Variants in MPC2 observed in about 807,000 individuals in gnomAD.
The protein encoded by MPC2 is brain protein 44.
MPC2 carries 19 observed loss-of-function variants against 19.2 expected under a neutral mutation model. That is an observed-to-expected ratio of 0.99 (90% CI 0.69 to 1.45). MPC2 has a LOEUF of 1.45. MPC2 is among the 40% of genes most tolerant of loss of function. The pLI is 0.00. For missense variants in MPC2, 122 were observed against 153.0 expected, an observed-to-expected ratio of 0.80 and a Z score of 1.07; for synonymous variants, 61 against 54.3, an observed-to-expected ratio of 1.12 and a Z score of -0.54.
At chr1:167,928,816 T>C (rs1670825369) in intron 2 of MPC2, among the ~76,000 whole-genome samples, 1 of 152,212 alleles carries the variant, frequency 6.6e-6, no homozygotes, top group Non-Finnish European at 1.5e-5. Flanking sequence ...TAACATCCAT[T>C]ATGATAAATG....
chr1:167,937,060 G>A lies in MPC2; in HGVS notation c.-179C>T. 6.8e-7 allele frequency: 1 copy of A among 1,472,714 alleles called. No homozygotes were observed. Among genetic ancestry groups the A allele is most frequent in the Non-Finnish European group, 9.4e-7 (1 of 1,068,298 alleles). The allele number at this position is 1,472,714 out of a possible 1,614,324, so 91.2% of individuals were successfully genotyped here. A position where few individuals can be genotyped will look rare whatever the true frequency, so the allele number is the denominator to read the frequency against. Reference sequence around the variant, plus strand: ...GCTGAGGTCGCCGCCTAGAGTGGGGGAGGGGGCACGCTGCCGGGTCTGTTG... The same window carrying A: ...GCTGAGGTCGCCGCCTAGAGTGGGGAAGGGGGCACGCTGCCGGGTCTGTTG... On this transcript the variant is annotated 5_prime_UTR_variant, in exon 1 of 6. Transcript: ENST00000271373.
Position 167,923,503 on chromosome 1 carries a change from T to C in MPC2, c.150+994A>G, listed in dbSNP as rs748529823. The stretch of plus-strand genomic sequence containing the variant: ...GAGGTACTTAGAGTAGTGAAATTCA[T>C]AGAGACAGAAGGTAGAATGGTGGTT... On this transcript the variant is annotated intron_variant, in intron 3 of 5. Transcript: ENST00000271373. Among the ~76,000 whole-genome samples the C allele has an allele frequency of 5.9e-5, 9 of 152,184 alleles. 1 individual carries two copies. The South Asian group carries it at 1.5e-3, about 25-fold the overall frequency.
At chr1:167,927,924 G>C (rs538200207) in intron 2 of MPC2, among the ~76,000 whole-genome samples, 1 of 152,112 alleles carries the variant, frequency 6.6e-6, no homozygotes, top group African/African-American at 2.4e-5. Flanking sequence ...GTACTAAACA[G>C]AAAAATAGCA....
chr1:167,923,477 T>C (rs1670652719), intron 3 of MPC2, among the ~76,000 whole-genome samples: 1 of 152,086 alleles, frequency 6.6e-6, no homozygotes, highest in Non-Finnish European at 1.5e-5. Context: ...TCCATTTACA[T>C]GAGGTACTTA....
chr1:167,919,067 C>T (rs1295491099), intron 5 of MPC2, among the ~76,000 whole-genome samples: 2 of 152,098 alleles, frequency 1.3e-5, no homozygotes, highest in East Asian at 1.9e-4. Flanking sequence ...TCGCAAAGCA[C>T]CTTTCCTAAG....
chr1:167,933,175 T>TG lies in MPC2; in HGVS notation c.109+2557_109+2558insC, dbSNP rs1374140869. On this transcript the variant is annotated intron_variant, in intron 2 of 5. Coordinates refer to ENST00000271373, the MANE Select transcript of MPC2 (RefSeq NM_001143674.4). ...TATACATAAAAACACATTAGTTTTT[T>TG]TTTTTTTTTTTGAGACAGAACCTCG... Among the ~76,000 whole-genome samples the TG allele has an allele frequency of 5.9e-3, 895 of 152,024 alleles. 12 individuals are homozygous for TG. The highest frequency in any genetic ancestry group is 0.02 in the African/African-American group (846 of 41,448).
chr1:167,922,917 A>G (rs932585056), intron 3 of MPC2, among the ~76,000 whole-genome samples: 4 of 152,228 alleles, frequency 2.6e-5, no homozygotes, highest in African/African-American at 7.2e-5. Context: ...TCCAAAGAAT[A>G]TACACAACTG....
At chr1:167,932,822 AAAAAAG>A (rs1670947410) in intron 2 of MPC2, among the ~76,000 whole-genome samples, 2 of 151,420 alleles carry the variant, frequency 1.3e-5, no homozygotes, top group Non-Finnish European at 2.9e-5. Flanking sequence ...AAAAAAAAAA[AAAAAAG>A]AAAAGAAAAG....
chr1:167,920,437 TTTGTGTGTGGGTGTATTTCA>T, intron 4 of MPC2, 90 bp downstream of exon 4: 1 of 1,099,288 alleles, frequency 9.1e-7, no homozygotes, highest in Non-Finnish European at 1.3e-6. Flanking sequence ...TGTTAATTCC[TTTGTGTGTGGGTGTATTTCA>T]AACACTAAGC....
At chr1:167,924,393 C>T (rs776786861) in intron 3 of MPC2, 104 bp downstream of exon 3, 1 of 925,122 alleles carries the variant, frequency 1.1e-6, no homozygotes, top group South Asian at 1.7e-5. Flanking sequence ...AGAGGCATAC[C>T]AAGAATACTC....
At chr1:167,920,495 C>T in intron 4 of MPC2, 52 bp downstream of exon 4, 4 of 1,576,740 alleles carry the variant, frequency 2.5e-6, no homozygotes, top group Non-Finnish European at 3.5e-6. Flanking sequence ...TAAAAGAAAA[C>T]AAAAATCATT....
intron 5 of MPC2, 67 bp downstream of exon 5, chr1:167,919,907 CAAAAA>C: frequency 1.1e-6 from 1 of 885,060 alleles, no homozygotes; most frequent in South Asian, 1.8e-5. Flanking sequence ...GACCCCGTCT[CAAAAA>C]AAAAAAAAAT....
Position 167,918,065 on chromosome 1 carries a change from G to T in MPC2, c.*258C>A. ...GCTGACTGGAACAGAAGGAGGCAGG[G>T]GGTATATACGAGCAAGTATGGTTTA... On this transcript the variant is annotated 3_prime_UTR_variant, in exon 6 of 6. Transcript: ENST00000271373. 1 of 334,418 alleles carries T rather than the reference G, an allele frequency of 3.0e-6. No homozygotes were observed. 20.7% of individuals were successfully genotyped at this position (334,418 alleles called of 1,614,324 possible). A position where few individuals can be genotyped will look rare whatever the true frequency, so the allele number is the denominator to read the frequency against.
At chr1:167,918,753 C>T (rs1339670874) in intron 5 of MPC2, among the ~76,000 whole-genome samples, 1 of 151,936 alleles carries the variant, frequency 6.6e-6, no homozygotes, top group African/African-American at 2.4e-5. Context: ...GCCACCACTT[C>T]TGGCTAATTT....
intron 1 of MPC2, chr1:167,936,651 G>A: frequency 2.5e-6 from 1 of 406,314 alleles, no homozygotes; most frequent in Non-Finnish European, 4.4e-6. Context: ...CTGTTGGAGG[G>A]GGGCTGAGGG....
rs1318710184 is a variant in MPC2, at chr1:167,936,759, G to A, written c.-58+180C>T. Reference sequence around the variant, plus strand: ...GTGCGGCCGGGCTTCAGGGGCCCAGGCGCCGCTGCTGCCACCGCCATCTAA... The same window carrying A: ...GTGCGGCCGGGCTTCAGGGGCCCAGACGCCGCTGCTGCCACCGCCATCTAA... On this transcript the variant is annotated intron_variant, in intron 1 of 5. Transcript: ENST00000271373. 7 of 653,024 alleles carry A rather than the reference G, an allele frequency of 1.1e-5. No individual in the cohort carries two copies. In the African/African-American group the frequency reaches 1.1e-4, roughly 11 times the overall value. 40.5% of individuals were successfully genotyped at this position (653,024 alleles called of 1,614,324 possible).
At position 167,920,049 on chromosome 1, in the gene MPC2, T is replaced by A. The variant is rs1246661262; in HGVS notation, c.277A>T (p.Asn93Tyr). The A allele has an allele frequency of 6.2e-7, 1 of 1,613,544 alleles. No individual in the cohort carries two copies. ...AAATTAACAGCAAACAGACTCCAAT[T>A]TTTTGGAATAATTACAAGTGAGTAT... The part of the protein sequence containing the change: ...SRYSLVIIPK[N>Y]WSLFAVNFFV... The change falls in exon 5 of 6, where the codon AAT becomes TAT. Residue 93 changes from asparagine (N) to tyrosine (Y), a missense_variant. Transcript: ENST00000271373.
At chr1:167,920,217 GA>G (rs1381642859) in intron 4 of MPC2, 127 bp from the exon 5 acceptor site, 5 of 631,976 alleles carry the variant, frequency 7.9e-6, no homozygotes, top group Non-Finnish European at 1.3e-5. Flanking sequence ...GCTATACTCT[GA>G]ATTTTCAATG....
At chr1:167,932,992 G>A (rs1201023843) in intron 2 of MPC2, among the ~76,000 whole-genome samples, 3 of 151,932 alleles carry the variant, frequency 2.0e-5, no homozygotes, top group Non-Finnish European at 4.4e-5. Flanking sequence ...GTGAGTTGAG[G>A]AACTTGACCA....
Sources: gnomAD v4.1 joint callset for allele counts (sites outside exome capture counted in the v4.1 genomes callset) on GRCh38, gnomAD v4.1.1 for gene constraint, MANE v1.5 for transcripts, NCBI Gene and HGNC (gene_info 2026-07-23, HGNC 2026-07-21) for gene names.